Variants in PATJ observed in about 807,000 individuals in gnomAD.
The protein encoded by PATJ is PATJ crumbs cell polarity complex component.
In PATJ, 190 loss-of-function variants were observed where a neutral mutation model predicts 224.9. That is an observed-to-expected ratio of 0.84 (90% CI 0.75 to 0.95). The LOEUF (loss-of-function observed/expected upper bound fraction) is 0.95, where lower values mean the gene tolerates loss of function less well. Among genes scored for constraint, PATJ ranks in the 40% least tolerant of loss-of-function variants. The pLI, the probability that PATJ is intolerant of heterozygous loss-of-function variation, is 0.00. For synonymous variants in PATJ, 769 were observed against 820.3 expected (o/e 0.94, Z 1.07); for missense variants, 2,121 against 2,270.3 (o/e 0.93, Z 1.34).
intron 22 of PATJ, 109 bp from the exon 23 acceptor site, chr1:61,899,474 G>T: frequency 1.7e-6 from 1 of 603,728 alleles, no homozygotes. Flanking sequence ...CTTAAAAATT[G>T]AGAATCATTT....
intron 27 of PATJ, among the ~76,000 whole-genome samples, chr1:61,936,784 C>CTGG: frequency 6.6e-6 from 1 of 152,228 alleles, no homozygotes; most frequent in East Asian, 1.9e-4. Context: ...GTTGACCAGG[C>CTGG]TGGTCTCAAA....
At position 61,806,003 on chromosome 1, in the gene PATJ, G is replaced by A. The variant is rs568374574; in HGVS notation, c.1626+479G>A. Among the ~76,000 whole-genome samples the A allele has an allele frequency of 7.2e-5, 11 of 152,326 alleles. 1 individual carries two copies. In the South Asian group the frequency reaches 2.1e-3, roughly 29 times the overall value. ...TTATCAAATGTATTTGGAAGAACAGGAAGTAATTTAGGTTAGGTATAAGTT... is the reference window on the plus strand; with the variant it reads ...TTATCAAATGTATTTGGAAGAACAGAAAGTAATTTAGGTTAGGTATAAGTT... On this transcript the variant is annotated intron_variant, in intron 13 of 43. Transcript: ENST00000642238.
intron 41 of PATJ, among the ~76,000 whole-genome samples, chr1:62,146,783 A>C (rs1421737705): frequency 5.3e-5 from 8 of 152,078 alleles, no homozygotes; most frequent in Non-Finnish European, 1.2e-4. Context: ...ATCTCAAAAA[A>C]ATAAAAATAA....
At chr1:62,008,702 T>A (rs893969553) in intron 28 of PATJ, among the ~76,000 whole-genome samples, 1 of 152,124 alleles carries the variant, frequency 6.6e-6, no homozygotes, top group Non-Finnish European at 1.5e-5. Context: ...TGAGCCATGA[T>A]CGCACCATTG....
intron 27 of PATJ, among the ~76,000 whole-genome samples, chr1:61,965,960 G>A (rs1013123321): frequency 1.3e-5 from 2 of 152,188 alleles, no homozygotes; most frequent in Admixed American, 6.5e-5. Context: ...GGAGTGCAAT[G>A]GCACGATCTT....
At chr1:61,852,338 C>T (rs1005520026) in intron 17 of PATJ, among the ~76,000 whole-genome samples, 3 of 152,014 alleles carry the variant, frequency 2.0e-5, no homozygotes, top group Non-Finnish European at 2.9e-5. Context: ...TAGTCTAAAG[C>T]GGCATCTTGA....
At chr1:61,830,949 G>A (rs1357942596) in intron 16 of PATJ, among the ~76,000 whole-genome samples, 1 of 152,074 alleles carries the variant, frequency 6.6e-6, no homozygotes, top group Admixed American at 6.6e-5. Context: ...AACAGTTTGG[G>A]AGGCCAAGGG....
At chr1:62,088,869 C>CATATATATATAGAATATATAGAACAT in intron 33 of PATJ, among the ~76,000 whole-genome samples, 2 of 143,484 alleles carry the variant, frequency 1.4e-5, no homozygotes, top group East Asian at 4.0e-4. Context: ...ATATATAGAA[C>CATATATATATAGAATATATAGAACAT]ATATATATAT....
intron 27 of PATJ, among the ~76,000 whole-genome samples, chr1:61,974,680 A>G (rs1282740577): frequency 6.6e-6 from 1 of 151,904 alleles, no homozygotes; most frequent in Non-Finnish European, 1.5e-5. Flanking sequence ...TTCTTTCCCT[A>G]AGCTAGCTTT....
chr1:62,105,673 T>G (rs1365709430), intron 33 of PATJ, among the ~76,000 whole-genome samples: 1 of 152,142 alleles, frequency 6.6e-6, no homozygotes, highest in Non-Finnish European at 1.5e-5. Context: ...AATGTATTCC[T>G]GGTACAGAAT....
At chr1:62,001,141 C>T (rs1350309136) in intron 28 of PATJ, among the ~76,000 whole-genome samples, 36 of 151,020 alleles carry the variant, frequency 2.4e-4, no homozygotes, top group Admixed American at 2.4e-3. Context: ...TTGTAGGTTG[C>T]CTGTTCACTC....
intron 17 of PATJ, among the ~76,000 whole-genome samples, chr1:61,836,698 T>G (rs913056092): frequency 1.4e-5 from 2 of 146,470 alleles, no homozygotes; most frequent in African/African-American, 5.6e-5. Flanking sequence ...CCATCCCTTG[T>G]TGTAATTAGG....
intron 3 of PATJ, among the ~76,000 whole-genome samples, chr1:61,765,448 A>G (rs923967486): frequency 6.6e-6 from 1 of 151,668 alleles, no homozygotes; most frequent in African/African-American, 2.4e-5. Flanking sequence ...CAGTGGTGCA[A>G]TCTCGGCTCA....
At chr1:62,005,389 AACC>A (rs1247276061) in intron 28 of PATJ, among the ~76,000 whole-genome samples, 1 of 150,802 alleles carries the variant, frequency 6.6e-6, no homozygotes, top group Non-Finnish European at 1.5e-5. Flanking sequence ...ATTAAAAGTT[AACC>A]TATAAAAATA....
In PATJ at chr1:62,100,422, G is replaced by T. The variant is rs749194760; in HGVS notation, c.4378-8015G>T. 5.6e-6 allele frequency: 4 copies of T among 718,068 alleles called. 1 individual carries two copies. The South Asian group carries it at 5.9e-5, about 11-fold the overall frequency. 44.5% of individuals were successfully genotyped at this position (718,068 alleles called of 1,614,324 possible). On this transcript the variant is annotated intron_variant, in intron 33 of 43. Transcript: ENST00000642238. ...GTTGAAGGGCAAGTGAGCACATGAG[G>T]CAGAGAGGGAGGGGGGCTGAACTCT...
chr1:61,788,096 G>GAAA (rs35694329), intron 8 of PATJ, 124 bp downstream of exon 8: 125 of 470,308 alleles, frequency 2.7e-4, no homozygotes, highest in South Asian at 6.7e-4. Flanking sequence ...AGTGAAACAG[G>GAAA]AAAAAAAAAA....
At chr1:62,008,013 G>A (rs531036902) in intron 28 of PATJ, among the ~76,000 whole-genome samples, 5 of 152,240 alleles carry the variant, frequency 3.3e-5, no homozygotes, top group East Asian at 1.9e-4. Flanking sequence ...TCTGAAGATC[G>A]GGATGCACCA....
intron 27 of PATJ, among the ~76,000 whole-genome samples, chr1:61,951,061 G>T (rs568987413): frequency 2.0e-5 from 3 of 152,164 alleles, no homozygotes; most frequent in African/African-American, 7.2e-5. Context: ...CAGGAGAATT[G>T]CTTGAACCGG....
At chr1:62,008,092 G>C (rs1159053803) in intron 28 of PATJ, among the ~76,000 whole-genome samples, 7 of 152,286 alleles carry the variant, frequency 4.6e-5, no homozygotes, top group Middle Eastern at 3.4e-3. Context: ...TCTCACAGAA[G>C]CTTAATGAAC....
Sources: allele counts gnomAD v4.1 joint callset (sites outside exome capture counted in the v4.1 genomes callset), GRCh38; gene constraint gnomAD v4.1.1; transcripts MANE v1.5; gene names NCBI Gene and HGNC (gene_info 2026-07-23, HGNC 2026-07-21).